The following GCKR variants were observed in gnomAD, a reference collection of about 807,000 sequenced individuals.
GCKR encodes glucokinase regulatory protein.
A neutral mutation model predicts 82.9 loss-of-function variants in GCKR; 73 were observed. That is an observed-to-expected ratio of 0.88 (90% CI 0.73 to 1.07). The LOEUF (loss-of-function observed/expected upper bound fraction) is 1.07, where lower values mean the gene tolerates loss of function less well. Among genes scored for constraint, GCKR ranks in the 50% least tolerant of loss-of-function variants. The probability of loss-of-function intolerance (pLI) is 0.00; values close to 1 mark genes in which losing one functional copy is unlikely to be tolerated. For synonymous variants in GCKR, 294 were observed against 291.8 expected, an observed-to-expected ratio of 1.01 and a Z score of -0.08; for missense variants, 784 against 782.1, an observed-to-expected ratio of 1.00 and a Z score of -0.03.
At chr2:27,505,670 G>A (rs764776752) in intron 9 of GCKR, 48 bp from the exon 10 acceptor site, 9 of 980,374 alleles carry the variant, frequency 9.2e-6, no homozygotes, top group Non-Finnish European at 1.2e-5. Context: ...GTGGTCTACG[G>A]GGTCTTCATC....
At chr2:27,520,795 G>A (rs1670131983) in intron 17 of GCKR, among the ~76,000 whole-genome samples, 1 of 152,178 alleles carries the variant, frequency 6.6e-6, no homozygotes. Flanking sequence ...CAGCATTCTG[G>A]GAGGCCGAAG....
chr2:27,514,310 A>G (rs1669954888), intron 16 of GCKR, among the ~76,000 whole-genome samples: 2 of 152,074 alleles, frequency 1.3e-5, no homozygotes, highest in Non-Finnish European at 2.9e-5. Context: ...AATACTGTAT[A>G]TATATTCCCA....
rs557711252 is a variant in GCKR at position 27,498,199 on chromosome 2, ATTC to A, written c.286-51_286-49del. 56 of 1,305,054 alleles carry A rather than the reference ATTC, an allele frequency of 4.3e-5. No individual in the cohort carries two copies. The East Asian group carries it at 1.2e-3, about 28-fold the overall frequency. 80.8% of individuals were successfully genotyped at this position (1,305,054 alleles called of 1,614,324 possible). ...TTGCATTACTGACAAAGAAAAGAAT[ATTC>A]TTCTCCCAACCTGAGCCAGGCCCTG... is the stretch of plus-strand genomic sequence containing the variant. On this transcript the variant is annotated intron_variant, in intron 3 of 18. Coordinates refer to ENST00000264717, the MANE Select transcript of GCKR (RefSeq NM_001486.4).
At chr2:27,513,591 A>G (rs1669938642) in intron 16 of GCKR, among the ~76,000 whole-genome samples, 1 of 150,466 alleles carries the variant, frequency 6.6e-6, no homozygotes, top group Admixed American at 6.6e-5. Context: ...TACCCTATCT[A>G]TCTTTGTTTT....
intron 16 of GCKR, among the ~76,000 whole-genome samples, chr2:27,512,970 A>G (rs1049151806): frequency 1.3e-5 from 2 of 152,102 alleles, no homozygotes; most frequent in African/African-American, 4.8e-5. Flanking sequence ...TGCATAGGGG[A>G]AGTTGTGCCC....
intron 16 of GCKR, among the ~76,000 whole-genome samples, chr2:27,508,681 G>A (rs748643120): frequency 2.0e-5 from 3 of 152,060 alleles, no homozygotes; most frequent in Non-Finnish European, 4.4e-5. Flanking sequence ...CCCGGCTACT[G>A]TTTGTATTTT....
chr2:27,507,054 T>C (rs1385612132), intron 12 of GCKR, among the ~76,000 whole-genome samples, 169 bp downstream of exon 12: 1 of 152,114 alleles, frequency 6.6e-6, no homozygotes, highest in Non-Finnish European at 1.5e-5. Context: ...CCCAACTCAG[T>C]CCTTGATCCC....
rs8179249 is a variant in GCKR at position 27,522,506 on chromosome 2, G to A, written c.1619G>A (p.Arg540Gln). 9,323 of 1,613,602 alleles carry A rather than the reference G, an allele frequency of 5.8e-3. 38 individuals are homozygous for A. The highest frequency in any genetic ancestry group is 7.8e-3 in the Middle Eastern group (47 of 6,062). The change falls in exon 18 of 19, where the codon CGA becomes CAA. Residue 540 changes from arginine to glutamine, a missense_variant. Transcript: ENST00000264717. ...SKARCIESLL[R>Q]AIHFPQPLSD... ...GCTCGATGCATCGAGAGCCTCCTCC[G>A]AGCGATCCACTTTCCCCAGCCACTG... is the stretch of plus-strand genomic sequence containing the variant.
At chr2:27,501,984 TG>T (rs1172617272) in intron 8 of GCKR, among the ~76,000 whole-genome samples, 1 of 152,218 alleles carries the variant, frequency 6.6e-6, no homozygotes, top group Non-Finnish European at 1.5e-5. Flanking sequence ...CTGGAGATTC[TG>T]ATGCACAGCC....
chr2:27,509,278 C>T (rs1052889490), intron 16 of GCKR, among the ~76,000 whole-genome samples: 1 of 152,188 alleles, frequency 6.6e-6, no homozygotes, highest in Non-Finnish European at 1.5e-5. Flanking sequence ...ACTCAGAACT[C>T]GTATAGAAGC....
chr2:27,523,082 A>G (rs1316029685), intron 18 of GCKR, among the ~76,000 whole-genome samples, 187 bp from the exon 19 acceptor site: 1 of 152,060 alleles, frequency 6.6e-6, no homozygotes, highest in African/African-American at 2.4e-5. Flanking sequence ...TATTTTTAGT[A>G]GAGATGGGGT....
At chr2:27,507,809 G>A (rs1229757565) in intron 14 of GCKR, 32 bp downstream of exon 14, 8 of 1,329,476 alleles carry the variant, frequency 6.0e-6, no homozygotes, top group Non-Finnish European at 8.7e-6. Context: ...GTGAGGGGTG[G>A]GGAGGGGGAA....
At position 27,506,730 on chromosome 2, in the gene GCKR, C is replaced by T. The variant is rs1373780455; in HGVS notation, c.969-58C>T. On this transcript the variant is annotated intron_variant, in intron 11 of 18. Transcript: ENST00000264717. ...GTTGACTCCTGTGTTCTTCTGTGGA[C>T]ATCTCTGGCCTCTTTGCACGGTGAT... The T allele has an allele frequency of 6.8e-6, 8 of 1,177,068 alleles. No individual in the cohort carries two copies. In the African/African-American group the frequency reaches 7.5e-5, roughly 11 times the overall value. 72.9% of individuals were successfully genotyped at this position (1,177,068 alleles called of 1,614,324 possible). A position where few individuals can be genotyped will look rare whatever the true frequency, so the allele number is the denominator to read the frequency against.
chr2:27,497,988 T>G (rs979195918), intron 3 of GCKR, among the ~76,000 whole-genome samples: 2 of 152,214 alleles, frequency 1.3e-5, no homozygotes, highest in African/African-American at 2.4e-5. Flanking sequence ...TATTATTTAC[T>G]TTTATTTAGA....
chr2:27,508,328 G>T, intron 16 of GCKR, 77 bp downstream of exon 16: 1 of 1,004,012 alleles, frequency 1.0e-6, no homozygotes, highest in Middle Eastern at 2.1e-4. Flanking sequence ...AAAACCCAAG[G>T]CTGTAGGGCA....
At position 27,501,205 on chromosome 2, in the gene GCKR, G is replaced by T. The variant is rs1669567642; in HGVS notation, c.620G>T (p.Gly207Val). The change falls in exon 8 of 19, where the codon GGC (glycine) becomes GTC (valine). Residue 207 changes from glycine to valine, a missense_variant. By Grantham distance (109) the Gly-to-Val change is moderately radical. Coordinates refer to ENST00000264717, the MANE Select transcript of GCKR (RefSeq NM_001486.4). Reference sequence around the variant, plus strand: ...GCTGTCTTCTTGCCAGTCCTGGTTGGCTTCAATCCAGTGAGCATGGCCAGG... The same window carrying T: ...GCTGTCTTCTTGCCAGTCCTGGTTGTCTTCAATCCAGTGAGCATGGCCAGG... ...NTAVFLPVLV[G>V]FNPVSMARND... The T allele has an allele frequency of 1.2e-6, 2 of 1,613,806 alleles. No homozygotes were observed.
At chr2:27,502,424 T>C (rs1206483683) in intron 8 of GCKR, among the ~76,000 whole-genome samples, 1 of 152,210 alleles carries the variant, frequency 6.6e-6, no homozygotes, top group African/African-American at 2.4e-5. Flanking sequence ...GGGAAGCTTT[T>C]TTAAAATACA....
At chr2:27,505,621 A>G (rs1174182167) in intron 9 of GCKR, 97 bp from the exon 10 acceptor site, 4 of 745,016 alleles carry the variant, frequency 5.4e-6, no homozygotes, top group African/African-American at 5.2e-5. Context: ...ACTGGGGGCC[A>G]CTGGTACTAT....
At chr2:27,503,641 T>C (rs1669639092) in intron 9 of GCKR, 22 bp downstream of exon 9, 2 of 1,250,386 alleles carry the variant, frequency 1.6e-6, no homozygotes, top group African/African-American at 1.5e-5. Context: ...CCTTTTTCTA[T>C]GTTCTCCACC....
Sources: gnomAD v4.1 joint callset for allele counts (sites outside exome capture counted in the v4.1 genomes callset) on GRCh38, gnomAD v4.1.1 for gene constraint, MANE v1.5 for transcripts, NCBI Gene and HGNC (gene_info 2026-07-23, HGNC 2026-07-21) for gene names.